Variants in RNF216 observed in about 807,000 individuals in gnomAD.
The protein encoded by RNF216 is ring finger protein 216, also known as E3 ubiquitin-protein ligase RNF216.
A neutral mutation model predicts 110.8 loss-of-function variants in RNF216; 72 were observed. The observed-to-expected ratio is 0.65, with a 90% CI of 0.54 to 0.79. The LOEUF (loss-of-function observed/expected upper bound fraction) is 0.79, where lower values mean the gene tolerates loss of function less well. Among genes scored for constraint, RNF216 ranks in the 30% least tolerant of loss-of-function variants. The probability of loss-of-function intolerance (pLI) is 0.00; values close to 1 mark genes in which losing one functional copy is unlikely to be tolerated. For synonymous variants in RNF216, 495 were observed against 407.5 expected, an observed-to-expected ratio of 1.21 and a Z score of -2.59; for missense variants, 1,342 against 1,141.2, an observed-to-expected ratio of 1.18 and a Z score of -2.54.
chr7:5,732,836 G>C (rs1794171825), intron 5 of RNF216: 1 of 152,234 alleles, frequency 6.6e-6, no homozygotes, highest in African/African-American at 2.4e-5. Flanking sequence ...CAGTTCTAGA[G>C]AAGTCACTCC....
chr7:5,721,675 G>A (rs974487822), intron 8 of RNF216, among the ~76,000 whole-genome samples: 4 of 152,164 alleles, frequency 2.6e-5, no homozygotes, highest in Admixed American at 6.6e-5. Flanking sequence ...GTGAGTTCCA[G>A]TCTCTCCATG....
intron 15 of RNF216, among the ~76,000 whole-genome samples, chr7:5,634,912 C>G (rs1269324447): frequency 6.6e-6 from 1 of 152,154 alleles, no homozygotes; most frequent in East Asian, 1.9e-4. Context: ...CCCCTTTCTA[C>G]TATTTGCAGC....
At chr7:5,699,944 T>C (rs1401807989) in intron 13 of RNF216, among the ~76,000 whole-genome samples, 1 of 152,206 alleles carries the variant, frequency 6.6e-6, no homozygotes. Flanking sequence ...GCTACCACAT[T>C]GCAACTGGAA....
chr7:5,670,761 T>C (rs972674320), intron 13 of RNF216, among the ~76,000 whole-genome samples: 2 of 152,082 alleles, frequency 1.3e-5, no homozygotes, highest in Non-Finnish European at 2.9e-5. Context: ...CTTTGTTGAG[T>C]TGTGTTTTCA....
intron 15 of RNF216, among the ~76,000 whole-genome samples, chr7:5,632,202 G>A (rs1356574686): frequency 6.6e-6 from 1 of 152,222 alleles, no homozygotes; most frequent in Non-Finnish European, 1.5e-5. Context: ...GCCAGTGGGG[G>A]CAGGAGGGGC....
chr7:5,700,294 A>G (rs1219782591), intron 13 of RNF216, among the ~76,000 whole-genome samples: 1 of 152,186 alleles, frequency 6.6e-6, no homozygotes, highest in Non-Finnish European at 1.5e-5. Context: ...GGACATCACA[A>G]TGAGATCATG....
intron 8 of RNF216, among the ~76,000 whole-genome samples, chr7:5,724,742 C>G (rs774521285): frequency 1.7e-4 from 26 of 152,284 alleles, no homozygotes; most frequent in Non-Finnish European, 3.2e-4. Context: ...AAGGGATGAT[C>G]TCTAGAAAAG....
At chr7:5,731,292 T>C (rs1048565334) in intron 5 of RNF216, among the ~76,000 whole-genome samples, 6 of 152,242 alleles carry the variant, frequency 3.9e-5, no homozygotes, top group Non-Finnish European at 8.8e-5. Flanking sequence ...ATACTTTTTA[T>C]ACCCCTGTGG....
intron 2 of RNF216, among the ~76,000 whole-genome samples, chr7:5,758,596 C>T (rs7784998): frequency 0.062 from 9,505 of 152,186 alleles, 985 homozygotes; most frequent in African/African-American, 0.22. Flanking sequence ...GATGTGGAGT[C>T]AAAGGAGGTT....
At chr7:5,645,870 G>A (rs893087516) in intron 14 of RNF216, among the ~76,000 whole-genome samples, 3 of 152,158 alleles carry the variant, frequency 2.0e-5, no homozygotes, top group South Asian at 2.1e-4. Flanking sequence ...GATTACAGGC[G>A]TGAGCCACTG....
chr7:5,730,874 T>G lies in RNF216; in HGVS notation c.1122-57A>C. On this transcript the variant is annotated intron_variant, in intron 5 of 16. Coordinates refer to ENST00000389902, the MANE Select transcript of RNF216 (RefSeq NM_207111.4). ...GCTTCCAAATCCCACACCTGCCCAT[T>G]GCTTCAAATGCAATGGTTGAAGAAT... is the stretch of plus-strand genomic sequence containing the variant. 3.2e-6 allele frequency: 5 copies of G among 1,578,016 alleles called. No homozygotes were observed. The South Asian group carries it at 5.7e-5, about 18-fold the overall frequency.
chr7:5,635,831 T>G (rs1197209118), intron 15 of RNF216, among the ~76,000 whole-genome samples: 1 of 152,212 alleles, frequency 6.6e-6, no homozygotes, highest in Non-Finnish European at 1.5e-5. Flanking sequence ...CACTGCTGGT[T>G]TGGAAAAATG....
intron 13 of RNF216, among the ~76,000 whole-genome samples, chr7:5,695,628 G>C (rs1267503180): frequency 6.6e-6 from 1 of 152,218 alleles, no homozygotes; most frequent in African/African-American, 2.4e-5. Flanking sequence ...TAGCAGTGGT[G>C]CCGAGAGAGA....
chr7:5,681,523 T>A (rs138133390), intron 13 of RNF216, among the ~76,000 whole-genome samples: 2,972 of 152,288 alleles, frequency 0.02, 47 homozygotes, highest in Non-Finnish European at 0.031. Flanking sequence ...CTCAAGCCTC[T>A]AGGGCTAGGC....
At chr7:5,767,331 T>C (rs1796257177) in intron 1 of RNF216, among the ~76,000 whole-genome samples, 1 of 151,994 alleles carries the variant, frequency 6.6e-6, no homozygotes, top group Non-Finnish European at 1.5e-5. Context: ...TGTGAAAAAA[T>C]GGACCTGAGG....
chr7:5,737,656 C>G (rs1428082232), intron 5 of RNF216, among the ~76,000 whole-genome samples: 1 of 152,004 alleles, frequency 6.6e-6, no homozygotes, highest in African/African-American at 2.4e-5. Context: ...GAAAAAAGTA[C>G]CTACATTGGG....
chr7:5,641,164 G>T lies in RNF216; in HGVS notation c.2372C>A (p.Thr791Asn). 6.2e-7 allele frequency: 1 copy of T among 1,612,982 alleles called. No homozygotes were observed. Among genetic ancestry groups the T allele is most frequent in the Non-Finnish European group, 8.5e-7 (1 of 1,179,120 alleles). The part of the protein sequence containing the change: ...CQECSRCSLW[T>N]DPTEDDEKLI... ...CATGTGTCTACTTACAGTGGGATCG[G>T]TCCAGAGAGAGCATCTTGAACACTC... The change falls in exon 15 of 17, where the codon ACC becomes AAC. Residue 791 changes from threonine to asparagine, a missense_variant. Coordinates refer to ENST00000389902, the MANE Select transcript of RNF216 (RefSeq NM_207111.4).
At position 5,694,428 on chromosome 7, in the gene RNF216, T is replaced by C. The variant is rs564449762; in HGVS notation, c.2061+17333A>G. Reference sequence around the variant, plus strand: ...ACGAGCACTATCTGGGTAATAACATTTGACCTTGAAATCCCTGCTTTCCTC... The same window carrying C: ...ACGAGCACTATCTGGGTAATAACATCTGACCTTGAAATCCCTGCTTTCCTC... On this transcript the variant is annotated intron_variant, in intron 13 of 16. Transcript: ENST00000389902. 5.6e-4 allele frequency among the ~76,000 whole-genome samples: 80 copies of C among 143,028 alleles called. No homozygotes were observed. In the Middle Eastern group the frequency reaches 0.01, roughly 19 times the overall value. 93.8% of individuals were successfully genotyped at this position (143,028 alleles called of 152,430 possible). A position where few individuals can be genotyped will look rare whatever the true frequency, so the allele number is the denominator to read the frequency against.
intron 2 of RNF216, among the ~76,000 whole-genome samples, chr7:5,759,285 T>C (rs1378993897): frequency 2.0e-5 from 3 of 152,164 alleles, no homozygotes; most frequent in Non-Finnish European, 4.4e-5. Flanking sequence ...TTTCTTTCTT[T>C]ACAAATTACC....
Sources: allele counts gnomAD v4.1 joint callset (sites outside exome capture counted in the v4.1 genomes callset), GRCh38; gene constraint gnomAD v4.1.1; transcripts MANE v1.5; gene names NCBI Gene and HGNC (gene_info 2026-07-23, HGNC 2026-07-21).